The following BACE2 variants were observed in gnomAD, a reference collection of about 807,000 sequenced individuals.
The protein encoded by BACE2 is 56 kDa aspartic-like protease.
In BACE2, 17 loss-of-function variants were observed where a neutral mutation model predicts 46.2. The observed-to-expected ratio is 0.37, with a 90% CI of 0.25 to 0.55. The LOEUF (loss-of-function observed/expected upper bound fraction) is 0.55, where lower values mean the gene tolerates loss of function less well. Among genes scored for constraint, BACE2 ranks in the 20% least tolerant of loss-of-function variants. The pLI is 0.82. For synonymous variants in BACE2, 277 were observed against 295.9 expected, an observed-to-expected ratio of 0.94 and a Z score of 0.66; for missense variants, 595 against 698.1, an observed-to-expected ratio of 0.85 and a Z score of 1.66.
rs926325872 is a variant in BACE2 at position 41,207,626 on chromosome 21, G to A, written c.313-18640G>A. Among the ~76,000 whole-genome samples the A allele has an allele frequency of 5.3e-5, 8 of 151,780 alleles. No homozygotes were observed. In the South Asian group the frequency reaches 6.2e-4, roughly 12 times the overall value. On this transcript the variant is annotated intron_variant, in intron 1 of 8. Transcript: ENST00000330333. ...TCTCTCTCTCTGCCTCCCCAACCCC[G>A]CCCCACTGATCTCCCTCCTGGTGCA...
chr21:41,214,996 T>G (rs2123553809), intron 1 of BACE2, among the ~76,000 whole-genome samples: 1 of 152,244 alleles, frequency 6.6e-6, no homozygotes, highest in East Asian at 1.9e-4. Flanking sequence ...TTTCCAAAGC[T>G]TCACTGAGGC....
chr21:41,172,173 CCA>C (rs1984630149), intron 1 of BACE2, among the ~76,000 whole-genome samples: 1 of 152,220 alleles, frequency 6.6e-6, no homozygotes, highest in Non-Finnish European at 1.5e-5. Context: ...AAAGTCAAAG[CCA>C]GTTTGCCACC....
intron 6 of BACE2, among the ~76,000 whole-genome samples, chr21:41,246,889 T>A (rs2123610753): frequency 6.6e-6 from 1 of 152,296 alleles, no homozygotes; most frequent in African/African-American, 2.4e-5. Context: ...TTGTGAGTTT[T>A]GGGTCAAATG....
intron 8 of BACE2, among the ~76,000 whole-genome samples, chr21:41,263,488 A>G (rs1225258860): frequency 6.6e-6 from 1 of 152,230 alleles, no homozygotes; most frequent in Non-Finnish European, 1.5e-5. Context: ...ATTCAGTGGA[A>G]CACTGCCAGC....
chr21:41,212,982 G>C (rs1986346258), intron 1 of BACE2, among the ~76,000 whole-genome samples: 5 of 152,194 alleles, frequency 3.3e-5, no homozygotes, highest in African/African-American at 4.8e-5. Flanking sequence ...TAGGAGTTTG[G>C]CCTGTTGAAC....
intron 2 of BACE2, among the ~76,000 whole-genome samples, chr21:41,235,478 A>T (rs958726420): frequency 1.8e-4 from 28 of 152,290 alleles, no homozygotes; most frequent in African/African-American, 6.7e-4. Context: ...GATTCTCAGA[A>T]GTGCAGTTAC....
At chr21:41,200,007 G>A (rs1985900026) in intron 1 of BACE2, among the ~76,000 whole-genome samples, 2 of 148,046 alleles carry the variant, frequency 1.4e-5, no homozygotes, top group African/African-American at 5.0e-5. Flanking sequence ...CATGGGCACA[G>A]GAAGGGGAAC....
chr21:41,177,423 C>T (rs1471167462), intron 1 of BACE2: 1 of 152,394 alleles, frequency 6.6e-6, no homozygotes, highest in African/African-American at 2.4e-5. Flanking sequence ...ACACTTATTC[C>T]TAATTTCAAC....
intron 1 of BACE2, among the ~76,000 whole-genome samples, chr21:41,203,942 G>A (rs892877533): frequency 1.3e-5 from 2 of 152,172 alleles, no homozygotes; most frequent in Admixed American, 1.3e-4. Context: ...GGCCCCAAGC[G>A]AGAAAGGGAG....
chr21:41,261,688 C>A (rs1241627071), intron 8 of BACE2, among the ~76,000 whole-genome samples: 1 of 151,846 alleles, frequency 6.6e-6, no homozygotes, highest in Admixed American at 6.6e-5. Flanking sequence ...ATACTGTATA[C>A]TTTTTTCTTA....
intron 1 of BACE2, among the ~76,000 whole-genome samples, chr21:41,199,300 G>A (rs1985866069): frequency 6.6e-6 from 1 of 151,942 alleles, no homozygotes; most frequent in Admixed American, 6.6e-5. Flanking sequence ...TCCTCCACCT[G>A]CGCCTTCCTA....
chr21:41,193,347 G>C lies in BACE2; in HGVS notation c.312+24772G>C, dbSNP rs1985637586. Among the ~76,000 whole-genome samples the C allele has an allele frequency of 6.6e-6, 1 of 152,236 alleles. No individual in the cohort carries two copies. On this transcript the variant is annotated intron_variant, in intron 1 of 8. Coordinates refer to ENST00000330333, the MANE Select transcript of BACE2 (RefSeq NM_012105.5). This position sits in a 1 kb window ranked among gnomAD's most constrained non-coding sequence, Gnocchi z 4.2. ...AGGTGTGTTAATTTGCTCAAGCAAT[G>C]AAACCACATCTGGTACAGCAGCTGC...
At chr21:41,267,552 G>A (rs1411721610) in intron 8 of BACE2, among the ~76,000 whole-genome samples, 1 of 152,176 alleles carries the variant, frequency 6.6e-6, no homozygotes, top group East Asian at 1.9e-4. Context: ...ATTTGACTGT[G>A]AATTTTTCTT....
intron 6 of BACE2, 107 bp from the exon 7 acceptor site, chr21:41,250,645 T>G: frequency 1.0e-6 from 1 of 964,346 alleles, no homozygotes; most frequent in Non-Finnish European, 1.6e-6. Flanking sequence ...AATTAAACAT[T>G]GTTTATCCCT....
At chr21:41,195,210 C>T (rs914185) in intron 1 of BACE2, among the ~76,000 whole-genome samples, 32,614 of 152,262 alleles carry the variant, frequency 0.21, 3,782 homozygotes, top group African/African-American at 0.29. Flanking sequence ...GACACAGATG[C>T]CGTCTCACCA....
intron 1 of BACE2, among the ~76,000 whole-genome samples, chr21:41,213,037 T>C (rs983947363): frequency 6.6e-6 from 1 of 152,230 alleles, no homozygotes; most frequent in Non-Finnish European, 1.5e-5. Context: ...GTTGACCTAA[T>C]TGGCATTCTC....
intron 8 of BACE2, among the ~76,000 whole-genome samples, chr21:41,273,253 A>G (rs940148907): frequency 6.6e-6 from 1 of 152,226 alleles, no homozygotes; most frequent in African/African-American, 2.4e-5. Context: ...CATTGATAAC[A>G]TCTTATCAGG....
At chr21:41,220,185 TA>T (rs1208780127) in intron 1 of BACE2, among the ~76,000 whole-genome samples, 7 of 151,744 alleles carry the variant, frequency 4.6e-5, no homozygotes, top group African/African-American at 1.5e-4. Context: ...GGTTGAGGTA[TA>T]GGGGGACAGG....
At chr21:41,229,918 G>A (rs552533341) in intron 2 of BACE2, among the ~76,000 whole-genome samples, 111 of 152,316 alleles carry the variant, frequency 7.3e-4, no homozygotes, top group African/African-American at 2.7e-3. Context: ...CCACCATTCT[G>A]ACCACTCAAG....
Sources: gnomAD v4.1 joint callset for allele counts (sites outside exome capture counted in the v4.1 genomes callset) on GRCh38, gnomAD v4.1.1 for gene constraint, Gnocchi (gnomAD v3.1) non-coding constraint, MANE v1.5 for transcripts, NCBI Gene and HGNC (gene_info 2026-07-23, HGNC 2026-07-21) for gene names.